Variants in SF3B3 observed in about 807,000 individuals in gnomAD.
SF3B3 encodes SAP 130.
SF3B3 carries 33 observed loss-of-function variants against 139.2 expected under a neutral mutation model. That is an observed-to-expected ratio of 0.24 (90% CI 0.18 to 0.32). The LOEUF is 0.32. SF3B3 is among the 10% of genes least tolerant of loss of function. The pLI is 1.00. For missense variants in SF3B3, 818 were observed against 1,509.4 expected (o/e 0.54, Z 7.59); for synonymous variants, 596 against 563.6 (o/e 1.06, Z -0.81).
chr16:70,554,246 G>A (rs2050358688), intron 11 of SF3B3, 200 bp from the exon 12 acceptor site: 2 of 503,282 alleles, frequency 4.0e-6, no homozygotes, highest in African/African-American at 1.9e-5. Flanking sequence ...AGGAAGCAGA[G>A]TATATCTGTA....
At chr16:70,554,675 C>T in intron 12 of SF3B3, 78 bp downstream of exon 12, 3 of 1,433,656 alleles carry the variant, frequency 2.1e-6, no homozygotes, top group Non-Finnish European at 2.9e-6. Context: ...CTGCTGTGTT[C>T]ATGTCTCTTC....
At chr16:70,542,100 A>G (rs930749888) in intron 9 of SF3B3, among the ~76,000 whole-genome samples, 4 of 152,238 alleles carry the variant, frequency 2.6e-5, no homozygotes, top group African/African-American at 9.6e-5. Flanking sequence ...AGTGAGAAGT[A>G]AAAGTCCTCC....
chr16:70,566,353 A>G (rs1359352667), intron 20 of SF3B3, among the ~76,000 whole-genome samples: 1 of 152,102 alleles, frequency 6.6e-6, no homozygotes. Context: ...ACCTGAGCTC[A>G]GGAGTTCAAA....
intron 6 of SF3B3, among the ~76,000 whole-genome samples, chr16:70,536,404 C>G (rs1214916241): frequency 6.6e-6 from 1 of 152,064 alleles, no homozygotes; most frequent in Non-Finnish European, 1.5e-5. Context: ...CGCTCTGTCA[C>G]CCAGGCTAGA....
chr16:70,569,782 C>T (rs986445254), intron 23 of SF3B3: 4 of 509,330 alleles, frequency 7.9e-6, no homozygotes, highest in Non-Finnish European at 1.1e-5. Flanking sequence ...GTACATGCCA[C>T]CAAACCTGGC....
At chr16:70,570,998 A>G (rs2151796272) in intron 24 of SF3B3, 97 bp from the exon 25 acceptor site, 2 of 804,692 alleles carry the variant, frequency 2.5e-6, no homozygotes, top group East Asian at 4.9e-5. Flanking sequence ...GTGTTTGTGT[A>G]GTAAAAATGA....
intron 6 of SF3B3, chr16:70,538,061 C>G (rs765621042): frequency 3.1e-6 from 2 of 646,344 alleles, no homozygotes; most frequent in South Asian, 1.4e-5. Flanking sequence ...ACATTTTTCT[C>G]TGGACACAGT....
chr16:70,551,686 G>C (rs890564138), intron 11 of SF3B3, among the ~76,000 whole-genome samples: 7 of 152,142 alleles, frequency 4.6e-5, no homozygotes, highest in Non-Finnish European at 1.0e-4. Context: ...TGGGCAACCA[G>C]AGCGAAACTC....
chr16:70,534,410 A>G (rs551102502), intron 5 of SF3B3, among the ~76,000 whole-genome samples: 2 of 152,312 alleles, frequency 1.3e-5, no homozygotes, highest in Admixed American at 6.5e-5. Context: ...AATTGCTTAC[A>G]TTTTGGCTAA....
At chr16:70,565,627 C>A in intron 20 of SF3B3, 103 bp downstream of exon 20, 1 of 1,028,334 alleles carries the variant, frequency 9.7e-7, no homozygotes, top group Non-Finnish European at 1.4e-6. Flanking sequence ...CTCCTTGATT[C>A]CAATCTCTCT....
intron 18 of SF3B3, among the ~76,000 whole-genome samples, chr16:70,564,687 A>C (rs1170869582): frequency 6.6e-6 from 1 of 152,262 alleles, no homozygotes; most frequent in Admixed American, 6.5e-5. Context: ...ACAACCACGT[A>C]GAACTGTATC....
In SF3B3 at chr16:70,568,338, C is replaced by G; in HGVS notation, c.3008C>G (p.Ser1003Cys). The change falls in exon 22 of 26, where the codon TCT becomes TGT. Residue 1003 changes from serine (S) to cysteine (C), a missense_variant. Coordinates refer to ENST00000302516, the MANE Select transcript of SF3B3 (RefSeq NM_012426.5). The stretch of plus-strand genomic sequence containing the variant: ...ACTATCGGACATAGGGTAATTGTAT[C>G]TGATGTCCAAGAAAGTTTCATCTGG... ...IQTIGHRVIV[S>C]DVQESFIWVR... is the part of the protein sequence containing the mutation. 6.2e-7 allele frequency: 1 copy of G among 1,613,762 alleles called. No individual in the cohort carries two copies. Among genetic ancestry groups the G allele is most frequent in the East Asian group, 2.2e-5 (1 of 44,888 alleles).
At chr16:70,561,431 G>C in intron 16 of SF3B3, 199 bp from the exon 17 acceptor site, 1 of 570,472 alleles carries the variant, frequency 1.8e-6, no homozygotes, top group Non-Finnish European at 3.1e-6. Context: ...CATATGGCTC[G>C]TAGCCCATGC....
intron 9 of SF3B3, 74 bp downstream of exon 9, chr16:70,541,908 A>G (rs889350995): frequency 1.7e-5 from 23 of 1,329,090 alleles, no homozygotes; most frequent in Non-Finnish European, 2.3e-5. Flanking sequence ...AAATAGCTTT[A>G]TTAGTATTTC....
intron 10 of SF3B3, among the ~76,000 whole-genome samples, chr16:70,546,796 G>A (rs143867787): frequency 0.013 from 1,966 of 152,170 alleles, 50 homozygotes; most frequent in African/African-American, 0.045. Flanking sequence ...TATTTTCTGA[G>A]GTGGGCAGAT....
chr16:70,550,686 C>T, intron 11 of SF3B3: 1 of 984,480 alleles, frequency 1.0e-6, no homozygotes, highest in African/African-American at 1.8e-5. Flanking sequence ...CAGGTGTGTA[C>T]CTAACTGCTA....
Position 70,530,872 on chromosome 16 carries a change from C to T in SF3B3, c.525C>T (p.Val175=), listed in dbSNP as rs771154873. 18 of 1,613,492 alleles carry T rather than the reference C, an allele frequency of 1.1e-5. No homozygotes were observed. The highest frequency in any genetic ancestry group is 3.3e-5 in the Admixed American group (2 of 59,896). Residue 175 remains valine (V), a synonymous_variant, in exon 4 of 26, where the codon GTC becomes GTT. Transcript: ENST00000302516. ...TGTATCATGTAGTTGGAGTAGATGTCGGATTTGAAAATCCAATGTTTGCTT... is the reference window on the plus strand; with the variant it reads ...TGTATCATGTAGTTGGAGTAGATGTTGGATTTGAAAATCCAATGTTTGCTT... ...TLVYHVVGVD[V]GFENPMFACL... is the part of the protein sequence containing the mutation.
chr16:70,543,930 T>C (rs60847363), intron 9 of SF3B3, among the ~76,000 whole-genome samples: 1 of 152,186 alleles, frequency 6.6e-6, no homozygotes, highest in East Asian at 1.9e-4. Flanking sequence ...TACGACTCAC[T>C]GTAGCCTCAG....
Position 70,575,463 on chromosome 16 carries a change from C to CT in SF3B3, c.*3650_*3651insT. ...ATCCACCCACCTTGGTCTCCCAAAGCGCTGGGATTACAGGCGTGAGCCACT... is the reference window on the plus strand; with the variant it reads ...ATCCACCCACCTTGGTCTCCCAAAGCTGCTGGGATTACAGGCGTGAGCCACT... On this transcript the variant is annotated 3_prime_UTR_variant, in exon 26 of 26. Transcript: ENST00000302516. 6.6e-6 allele frequency: 1 copy of CT among 152,290 alleles called. No individual in the cohort carries two copies. Among genetic ancestry groups the CT allele is most frequent in the African/African-American group, 2.4e-5 (1 of 41,500 alleles). 9.4% of individuals were successfully genotyped at this position (152,290 alleles called of 1,614,324 possible). A position where few individuals can be genotyped will look rare whatever the true frequency, so the allele number is the denominator to read the frequency against.
Sources: allele counts gnomAD v4.1 joint callset (sites outside exome capture counted in the v4.1 genomes callset), GRCh38; gene constraint gnomAD v4.1.1; transcripts MANE v1.5; gene names NCBI Gene and HGNC (gene_info 2026-07-23, HGNC 2026-07-21).